Variants in HTR2C observed in about 807,000 individuals in gnomAD.
HTR2C encodes 5-hydroxytryptamine receptor 2C.
A neutral mutation model predicts 21.0 loss-of-function variants in HTR2C; 5 were observed. The observed-to-expected ratio is 0.24, with a 90% CI of 0.12 to 0.50. The LOEUF (loss-of-function observed/expected upper bound fraction) is 0.50, where lower values mean the gene tolerates loss of function less well. Among genes scored for constraint, HTR2C ranks in the 20% least tolerant of loss-of-function variants. The pLI, the probability that HTR2C is intolerant of heterozygous loss-of-function variation, is 0.98. For missense variants in HTR2C, 271 were observed against 371.2 expected, an observed-to-expected ratio of 0.73 and a Z score of 2.22; for synonymous variants, 150 against 145.3, an observed-to-expected ratio of 1.03 and a Z score of -0.23.
chrX:114,866,379 T>A (rs1374039469), intron 5 of HTR2C, among the ~76,000 whole-genome samples: 1 of 108,934 alleles, frequency 9.2e-6, no homozygotes, highest in Non-Finnish European at 1.9e-5. Flanking sequence ...ATATATATAT[T>A]TAATTTTTTT....
chrX:114,803,508 T>C (rs1374181302), intron 4 of HTR2C, among the ~76,000 whole-genome samples: 2 of 106,080 alleles, frequency 1.9e-5, no homozygotes, highest in African/African-American at 3.4e-5. Context: ...TTTCATGTGT[T>C]TTTTGGCTGC....
intron 4 of HTR2C, among the ~76,000 whole-genome samples, 167 bp from the exon 5 acceptor site, chrX:114,847,836 A>G (rs2070886124): frequency 1.8e-5 from 2 of 112,020 alleles, no homozygotes; most frequent in African/African-American, 6.5e-5. Context: ...CGCTGAAGGT[A>G]TCATTATCAT....
chrX:114,790,393 A>G (rs1329465854), intron 4 of HTR2C, among the ~76,000 whole-genome samples: 4 of 111,751 alleles, frequency 3.6e-5, no homozygotes, highest in Admixed American at 1.9e-4. Context: ...TCCCTGTTAT[A>G]TGCATATGTT....
chrX:114,784,477 G>T (rs1556441495), intron 4 of HTR2C, among the ~76,000 whole-genome samples: 1 of 110,224 alleles, frequency 9.1e-6, no homozygotes, highest in Non-Finnish European at 1.9e-5. Flanking sequence ...AATCTAGGTT[G>T]GTTCTTTCTG....
At chrX:114,599,153 A>C (rs1927985010) in intron 1 of HTR2C, among the ~76,000 whole-genome samples, 1 of 108,674 alleles carries the variant, frequency 9.2e-6, no homozygotes, top group South Asian at 4.1e-4. Context: ...TTCAAAAATT[A>C]GAAAGTTAAT....
chrX:114,611,528 A>G (rs782424205), intron 1 of HTR2C, among the ~76,000 whole-genome samples: 24 of 111,915 alleles, frequency 2.1e-4, no homozygotes, highest in Admixed American at 3.8e-4. Flanking sequence ...TATTTACTAT[A>G]AGTCTCCTAC....
intron 1 of HTR2C, among the ~76,000 whole-genome samples, chrX:114,600,228 A>G (rs1928028300): frequency 8.9e-6 from 1 of 112,545 alleles, no homozygotes; most frequent in Admixed American, 9.4e-5. Context: ...TCAAACCCAT[A>G]TCTGTCTAAT....
intron 2 of HTR2C, among the ~76,000 whole-genome samples, chrX:114,720,238 C>A (rs1486247457): frequency 9.0e-6 from 1 of 110,809 alleles, no homozygotes; most frequent in African/African-American, 3.3e-5. Flanking sequence ...TATTGGAAGG[C>A]CATATTTTAT....
intron 2 of HTR2C, among the ~76,000 whole-genome samples, chrX:114,718,979 TATAATATA>T (rs1311043029): frequency 4.0e-3 from 131 of 33,158 alleles, no homozygotes; most frequent in South Asian, 0.01. Context: ...ATTTAATATA[TATAATATA>T]ATAATATAAT....
intron 4 of HTR2C, among the ~76,000 whole-genome samples, chrX:114,750,153 C>T (rs1195759278): frequency 9.0e-6 from 1 of 111,493 alleles, no homozygotes; most frequent in Non-Finnish European, 1.9e-5. Flanking sequence ...GGCACTGAAA[C>T]GTGAATTATC....
At chrX:114,586,406 T>A (rs1927396618) in intron 1 of HTR2C, among the ~76,000 whole-genome samples, 1 of 111,853 alleles carries the variant, frequency 8.9e-6, no homozygotes, top group Non-Finnish European at 1.9e-5. Flanking sequence ...ATTCTCCTGA[T>A]CCTCCTGGGG....
intron 5 of HTR2C, among the ~76,000 whole-genome samples, chrX:114,882,044 A>G (rs928469456): frequency 1.8e-5 from 2 of 110,837 alleles, no homozygotes; most frequent in Admixed American, 1.9e-4. Context: ...ATTTAAATAT[A>G]TTAACACAAG....
At chrX:114,834,046 T>G (rs1165354120) in intron 4 of HTR2C, among the ~76,000 whole-genome samples, 1 of 111,294 alleles carries the variant, frequency 9.0e-6, no homozygotes, top group African/African-American at 3.3e-5. Flanking sequence ...TCTAGTTTGA[T>G]TGCAGTGTGG....
At chrX:114,712,577 A>G (rs942555163) in intron 2 of HTR2C, among the ~76,000 whole-genome samples, 2 of 111,986 alleles carry the variant, frequency 1.8e-5, no homozygotes, top group Admixed American at 1.9e-4. Flanking sequence ...CTGAATAATC[A>G]TATTGTTGTC....
chrX:114,628,228 G>C (rs201808840), intron 2 of HTR2C, among the ~76,000 whole-genome samples: 77 of 109,730 alleles, frequency 7.0e-4, no homozygotes, highest in African/African-American at 2.4e-3. Context: ...CTTGATATCT[G>C]TATCTATCTA....
At chrX:114,772,444 A>G (rs1354775191) in intron 4 of HTR2C, among the ~76,000 whole-genome samples, 1 of 105,019 alleles carries the variant, frequency 9.5e-6, no homozygotes, top group African/African-American at 3.5e-5. Flanking sequence ...GTTTTTTATG[A>G]AACTAGATTT....
chrX:114,749,453 C>CAAAAAAAA (rs782652879), intron 4 of HTR2C, among the ~76,000 whole-genome samples: 3 of 41,904 alleles, frequency 7.2e-5, no homozygotes, highest in Non-Finnish European at 1.1e-4. Flanking sequence ...GTCCATGTCT[C>CAAAAAAAA]AAAAAAAAAA....
At chrX:114,673,450 C>G (rs1321456155) in intron 2 of HTR2C, among the ~76,000 whole-genome samples, 4 of 111,326 alleles carry the variant, frequency 3.6e-5, no homozygotes, top group Admixed American at 2.9e-4. Flanking sequence ...AGAAAACCCT[C>G]TTTGCTACTC....
intron 2 of HTR2C, chrX:114,717,727 A>G (rs1933034968): frequency 8.9e-6 from 1 of 111,813 alleles, no homozygotes; most frequent in African/African-American, 3.2e-5. Context: ...TTGCAAGGCA[A>G]GCGTTTTCAA....
Sources: gnomAD v4.1 joint callset for allele counts (sites outside exome capture counted in the v4.1 genomes callset) on GRCh38, gnomAD v4.1.1 for gene constraint, MANE v1.5 for transcripts, NCBI Gene and HGNC (gene_info 2026-07-23, HGNC 2026-07-21) for gene names.